Variants in GPC6 observed in about 807,000 individuals in gnomAD.
The protein encoded by GPC6 is glypican-6.
GPC6 carries 14 observed loss-of-function variants against 55.2 expected under a neutral mutation model. The observed-to-expected ratio is 0.25, with a 90% CI of 0.17 to 0.40. GPC6 has a LOEUF of 0.40. Ranked by LOEUF, GPC6 falls within the 10% of genes least tolerant of loss-of-function variation. The probability of loss-of-function intolerance (pLI) is 1.00; values close to 1 mark genes in which losing one functional copy is unlikely to be tolerated. For missense variants in GPC6, 641 were observed against 708.5 expected (o/e 0.90, Z 1.08); for synonymous variants, 278 against 259.6 (o/e 1.07, Z -0.68).
At chr13:94,336,358 C>CTGAT (rs1779458361) in intron 6 of GPC6, among the ~76,000 whole-genome samples, 1 of 152,184 alleles carries the variant, frequency 6.6e-6, no homozygotes, top group African/African-American at 2.4e-5. Context: ...CTGTCAAACA[C>CTGAT]TGATTGCCCC....
At chr13:93,374,635 A>C (rs1177311259) in intron 1 of GPC6, among the ~76,000 whole-genome samples, 2 of 152,192 alleles carry the variant, frequency 1.3e-5, no homozygotes, top group Non-Finnish European at 2.9e-5. Flanking sequence ...AATCTTTAAT[A>C]ATTCTATGTC....
chr13:93,926,351 T>C (rs754332214), intron 3 of GPC6, among the ~76,000 whole-genome samples: 4 of 152,164 alleles, frequency 2.6e-5, no homozygotes, highest in Non-Finnish European at 1.5e-5. Context: ...AAGAATATGC[T>C]AGAAATAGAC....
chr13:93,324,841 A>G (rs1692508965), intron 1 of GPC6, among the ~76,000 whole-genome samples: 1 of 151,928 alleles, frequency 6.6e-6, no homozygotes, highest in South Asian at 2.1e-4. Flanking sequence ...CTTTGGAGCT[A>G]TGTGTTCAGA....
At chr13:94,350,644 A>G (rs1594195580) in intron 6 of GPC6, among the ~76,000 whole-genome samples, 1 of 152,230 alleles carries the variant, frequency 6.6e-6, no homozygotes, top group East Asian at 1.9e-4. Flanking sequence ...ATAATATGAT[A>G]CTCATAATAT....
At chr13:94,160,813 TA>T (rs571857011) in intron 4 of GPC6, among the ~76,000 whole-genome samples, 91 of 152,222 alleles carry the variant, frequency 6.0e-4, no homozygotes, top group Non-Finnish European at 2.2e-4. Flanking sequence ...ATTTGTCAAT[TA>T]TTTTTTAATT....
At chr13:93,411,481 G>C (rs1876492838) in intron 1 of GPC6, among the ~76,000 whole-genome samples, 1 of 152,128 alleles carries the variant, frequency 6.6e-6, no homozygotes, top group African/African-American at 2.4e-5. Flanking sequence ...ACTTAGTGCA[G>C]TCAGACATAA....
At chr13:93,589,767 G>A (rs963869449) in intron 2 of GPC6, among the ~76,000 whole-genome samples, 1 of 152,068 alleles carries the variant, frequency 6.6e-6, no homozygotes, top group African/African-American at 2.4e-5. Context: ...TAAACTTTAG[G>A]ATTCCTGTTT....
At chr13:93,545,026 G>C (rs1206872703) in intron 1 of GPC6, among the ~76,000 whole-genome samples, 1 of 152,132 alleles carries the variant, frequency 6.6e-6, no homozygotes, top group African/African-American at 2.4e-5. Flanking sequence ...AAGTTTTAAT[G>C]CACCTTCACT....
chr13:94,120,539 T>C (rs1333251730), intron 4 of GPC6, among the ~76,000 whole-genome samples: 4 of 152,090 alleles, frequency 2.6e-5, no homozygotes, highest in African/African-American at 4.8e-5. Flanking sequence ...TTTTTTTTTT[T>C]TCCCCTGAAA....
chr13:93,703,909 G>A (rs1882758715), intron 2 of GPC6, among the ~76,000 whole-genome samples: 1 of 151,890 alleles, frequency 6.6e-6, no homozygotes, highest in African/African-American at 2.4e-5. Context: ...AAAAGTATTT[G>A]GGACTTACCT....
chr13:94,044,702 A>G (rs1054512336), intron 4 of GPC6, among the ~76,000 whole-genome samples: 11 of 151,940 alleles, frequency 7.2e-5, no homozygotes, highest in Admixed American at 5.9e-4. Flanking sequence ...GTGTTATCAA[A>G]TTTTCCTCTG....
chr13:93,861,006 TA>T (rs1312384288), intron 3 of GPC6, among the ~76,000 whole-genome samples: 1 of 141,020 alleles, frequency 7.1e-6, no homozygotes, highest in Non-Finnish European at 1.5e-5. Flanking sequence ...TGCAGTTACA[TA>T]ACAGCTCTGT....
chr13:93,474,336 A>C (rs1879229108), intron 1 of GPC6, among the ~76,000 whole-genome samples: 1 of 152,204 alleles, frequency 6.6e-6, no homozygotes, highest in Admixed American at 6.5e-5. Context: ...AATAGGATCA[A>C]GTCTACATTT....
chr13:93,861,929 C>T (rs192154227), intron 3 of GPC6, among the ~76,000 whole-genome samples: 6 of 151,748 alleles, frequency 4.0e-5, no homozygotes, highest in Admixed American at 2.6e-4. Flanking sequence ...TGTGCCCCTT[C>T]AGTAAGATAA....
At chr13:93,945,501 A>C (rs1276836260) in intron 3 of GPC6, among the ~76,000 whole-genome samples, 1 of 152,218 alleles carries the variant, frequency 6.6e-6, no homozygotes, top group African/African-American at 2.4e-5. Context: ...CAGGCAGGCT[A>C]ACTAGAAGCA....
intron 6 of GPC6, among the ~76,000 whole-genome samples, chr13:94,316,578 G>A (rs1005485459): frequency 6.6e-5 from 10 of 151,014 alleles, no homozygotes; most frequent in Non-Finnish European, 1.3e-4. Context: ...TTAGCCGGGC[G>A]TAGTGGCGGG....
intron 6 of GPC6, among the ~76,000 whole-genome samples, chr13:94,351,786 T>C (rs1167807694): frequency 6.6e-6 from 1 of 151,768 alleles, no homozygotes; most frequent in Non-Finnish European, 1.5e-5. Context: ...CTTAAGGGAA[T>C]TGGATCCTCG....
intron 2 of GPC6, among the ~76,000 whole-genome samples, chr13:93,727,996 A>C (rs2138832343): frequency 6.6e-6 from 1 of 150,498 alleles, no homozygotes; most frequent in South Asian, 2.1e-4. Flanking sequence ...TCCAGCTGAA[A>C]CCCTCTTCAC....
At chr13:93,642,504 T>C (rs1040803888) in intron 2 of GPC6, among the ~76,000 whole-genome samples, 4 of 152,110 alleles carry the variant, frequency 2.6e-5, no homozygotes, top group African/African-American at 9.7e-5. Flanking sequence ...GTCCTTTGGG[T>C]ATACACTCAA....
Sources: allele counts gnomAD v4.1 joint callset (sites outside exome capture counted in the v4.1 genomes callset), GRCh38; gene constraint gnomAD v4.1.1; transcripts MANE v1.5; gene names NCBI Gene and HGNC (gene_info 2026-07-23, HGNC 2026-07-21).